PEAK1: variants seen among roughly 807,000 people sequenced by gnomAD.
PEAK1 encodes the protein inactive tyrosine-protein kinase PEAK1.
A neutral mutation model predicts 124.7 loss-of-function variants in PEAK1; 54 were observed. The ratio of observed to expected loss-of-function variants is 0.43; its 90% CI spans 0.35 to 0.54. The LOEUF (loss-of-function observed/expected upper bound fraction) is 0.54. PEAK1 is among the 20% of genes least tolerant of loss of function. The pLI, the probability that PEAK1 is intolerant of heterozygous loss-of-function variation, is 0.01. For missense variants in PEAK1, 2,046 were observed against 2,134.5 expected (o/e 0.96, Z 0.82); for synonymous variants, 719 against 760.0 (o/e 0.95, Z 0.89).
chr15:77,163,876 G>C (rs113932261), intron 7 of PEAK1, among the ~76,000 whole-genome samples: 1 of 152,064 alleles, frequency 6.6e-6, no homozygotes, highest in South Asian at 2.1e-4. Context: ...CTTTTACCCC[G>C]AAAAATCAGA....
At position 77,109,279 on chromosome 15, in the gene PEAK1, A is replaced by G. The variant is rs1476313890; in HGVS notation, c.*4877T>C. The G allele has an allele frequency of 6.6e-6, 1 of 152,240 alleles. No homozygotes were observed. The highest frequency in any genetic ancestry group is 2.4e-5 in the African/African-American group (1 of 41,460). The allele number at this position is 152,240 out of a possible 1,614,324, so 9.4% of individuals were successfully genotyped here. ...ACATGGAAGAGATCCTTCTCCTTAAATACTGAGGAACTTTGTATCTGCCAG... is the reference window on the plus strand; with the variant it reads ...ACATGGAAGAGATCCTTCTCCTTAAGTACTGAGGAACTTTGTATCTGCCAG... On this transcript the variant is annotated 3_prime_UTR_variant, in exon 10 of 10. Coordinates refer to ENST00000682557, the MANE Select transcript of PEAK1 (RefSeq NM_001385026.1).
At chr15:77,417,485 G>A in intron 1 of PEAK1, 2 of 983,738 alleles carry the variant, frequency 2.0e-6, no homozygotes, top group Non-Finnish European at 2.4e-6. Context: ...CAAGAGGTAG[G>A]AATCACAGTA....
intron 2 of PEAK1, among the ~76,000 whole-genome samples, chr15:77,326,810 A>T (rs2065605486): frequency 6.6e-6 from 1 of 152,146 alleles, no homozygotes. Context: ...ATATACATAT[A>T]TAAAAAAATA....
chr15:77,152,268 C>T (rs541406940), intron 8 of PEAK1, among the ~76,000 whole-genome samples: 8 of 152,078 alleles, frequency 5.3e-5, no homozygotes, highest in Non-Finnish European at 1.2e-4. Context: ...TGGGAGTTCA[C>T]GCATGATTTG....
chr15:77,415,970 A>G (rs1335694145), intron 1 of PEAK1, among the ~76,000 whole-genome samples: 3 of 152,184 alleles, frequency 2.0e-5, no homozygotes, highest in Non-Finnish European at 4.4e-5. Flanking sequence ...CCTTTGTTGA[A>G]AACATTGTAC....
intron 6 of PEAK1, among the ~76,000 whole-genome samples, chr15:77,225,672 A>T (rs1164542973): frequency 7.7e-6 from 1 of 129,714 alleles, no homozygotes; most frequent in Non-Finnish European, 1.6e-5. Context: ...TAATTTATAT[A>T]TATATATATA....
At chr15:77,335,108 C>T (rs2066116705) in intron 2 of PEAK1, 14 of 985,440 alleles carry the variant, frequency 1.4e-5, no homozygotes, top group Non-Finnish European at 1.7e-5. Flanking sequence ...ACAGTGTTCA[C>T]AAATGCTTCT....
chr15:77,353,203 T>C (rs1355557348), intron 2 of PEAK1, among the ~76,000 whole-genome samples: 1 of 152,170 alleles, frequency 6.6e-6, no homozygotes, highest in African/African-American at 2.4e-5. Flanking sequence ...AACAAGACAC[T>C]TGGAAAAAGT....
At chr15:77,334,612 C>T (rs371270675) in intron 2 of PEAK1, 29 of 985,246 alleles carry the variant, frequency 2.9e-5, no homozygotes, top group East Asian at 2.3e-4. Context: ...CCTACAATTA[C>T]GAAAAGTCCA....
At chr15:77,322,759 A>G (rs1470777616) in intron 2 of PEAK1, among the ~76,000 whole-genome samples, 2 of 152,190 alleles carry the variant, frequency 1.3e-5, no homozygotes, top group African/African-American at 4.8e-5. Context: ...AAAAGAGGGA[A>G]TCCTCCCTAA....
intron 2 of PEAK1, among the ~76,000 whole-genome samples, chr15:77,345,398 T>C (rs1225470105): frequency 6.6e-6 from 1 of 152,224 alleles, no homozygotes; most frequent in Admixed American, 6.5e-5. Flanking sequence ...TTTCTCTTAA[T>C]TTTTGTAACA....
intron 1 of PEAK1, among the ~76,000 whole-genome samples, chr15:77,396,281 A>G (rs923283582): frequency 8.5e-5 from 13 of 152,140 alleles, no homozygotes; most frequent in Non-Finnish European, 1.5e-5. Flanking sequence ...AAAAATTAAA[A>G]GCAAGTAATT....
At chr15:77,120,825 C>A (rs946257922) in intron 9 of PEAK1, among the ~76,000 whole-genome samples, 5 of 152,200 alleles carry the variant, frequency 3.3e-5, no homozygotes, top group African/African-American at 9.7e-5. Flanking sequence ...TTTGCTCTTA[C>A]TATATTGAGC....
chr15:77,262,681 T>C (rs2061503641), intron 5 of PEAK1, among the ~76,000 whole-genome samples: 1 of 151,346 alleles, frequency 6.6e-6, no homozygotes, highest in Non-Finnish European at 1.5e-5. Flanking sequence ...ACAGACAACA[T>C]TAGACAGACC....
At chr15:77,341,071 C>A (rs914311879) in intron 2 of PEAK1, among the ~76,000 whole-genome samples, 1 of 152,028 alleles carries the variant, frequency 6.6e-6, no homozygotes, top group African/African-American at 2.4e-5. Context: ...CCCACCTCAG[C>A]CTCTTAAATT....
At chr15:77,220,499 C>T (rs1369979717) in intron 6 of PEAK1, among the ~76,000 whole-genome samples, 2 of 121,840 alleles carry the variant, frequency 1.6e-5, no homozygotes, top group African/African-American at 6.3e-5. Flanking sequence ...TAGCTCACTA[C>T]AATTCATACA....
rs954145646 is a variant in PEAK1 at position 77,265,091 on chromosome 15, C to A, written c.-274-12565G>T. On this transcript the variant is annotated intron_variant, in intron 5 of 9. Transcript: ENST00000682557. ...AACTGGATCCCTTCCTTACACCTTA[C>A]ACAAAAATCAATTCAAGATGGATTA... Among the ~76,000 whole-genome samples, 48 of 152,134 alleles carry A rather than the reference C, an allele frequency of 3.2e-4. 2 individuals are homozygous for A. The South Asian group carries it at 7.9e-3, about 25-fold the overall frequency.
At position 77,181,434 on chromosome 15, in the gene PEAK1, T is replaced by C. The variant is rs1290197533; in HGVS notation, c.493A>G (p.Ile165Val). Residue 165 changes from isoleucine (I) to valine (V), a missense_variant, in exon 7 of 10, where the codon ATA becomes GTA. Transcript: ENST00000682557. The stretch of plus-strand genomic sequence containing the variant: ...CTGGAGTTTGTTTCATTTCCTCTTA[T>C]CTGAGGGGCAGTATCCAAGCCTGCT... ...EIAGLDTAPQ[I>V]RGNETNSRET... is the part of the protein sequence containing the mutation. 6.2e-7 allele frequency: 1 copy of C among 1,614,184 alleles called. No homozygotes were observed. Among genetic ancestry groups the C allele is most frequent in the South Asian group, 1.1e-5 (1 of 91,086 alleles).
At chr15:77,178,082 C>T (rs2056994821) in intron 7 of PEAK1, 1 of 152,012 alleles carries the variant, frequency 6.6e-6, no homozygotes, top group Admixed American at 6.6e-5. Context: ...ATACCTTGCA[C>T]AGAATAGGTG....
Sources: allele counts gnomAD v4.1 joint callset (sites outside exome capture counted in the v4.1 genomes callset), GRCh38; gene constraint gnomAD v4.1.1; transcripts MANE v1.5; gene names NCBI Gene and HGNC (gene_info 2026-07-23, HGNC 2026-07-21).